The following PRKD3 variants were observed in gnomAD, a reference collection of about 807,000 sequenced individuals.
PRKD3 encodes the protein protein kinase D3, also known as serine/threonine-protein kinase D3.
In PRKD3, 47 loss-of-function variants were observed where a neutral mutation model predicts 99.2. The ratio of observed to expected loss-of-function variants is 0.47; its 90% CI spans 0.38 to 0.60. The LOEUF (loss-of-function observed/expected upper bound fraction) is 0.60, where lower values mean the gene tolerates loss of function less well. Ranked by LOEUF, PRKD3 falls within the 20% of genes least tolerant of loss-of-function variation. The pLI is 0.00. For synonymous variants in PRKD3, 392 were observed against 355.4 expected (o/e 1.10, Z -1.16); for missense variants, 1,019 against 1,088.4 (o/e 0.94, Z 0.90).
intron 14 of PRKD3, among the ~76,000 whole-genome samples, chr2:37,266,882 G>A (rs1572631131): frequency 6.6e-6 from 1 of 152,158 alleles, no homozygotes. Flanking sequence ...ATGATATTCA[G>A]AAAGTGATCC....
chr2:37,315,773 T>C (rs1048941389), intron 2 of PRKD3, among the ~76,000 whole-genome samples: 1 of 152,206 alleles, frequency 6.6e-6, no homozygotes, highest in Non-Finnish European at 1.5e-5. Flanking sequence ...CAGGCTGGAG[T>C]GCAGTGGCGC....
At position 37,253,428 on chromosome 2, in the gene PRKD3, T is replaced by G. The variant is rs538117963; in HGVS notation, c.2500-78A>C. On this transcript the variant is annotated intron_variant, in intron 18 of 18. Transcript: ENST00000234179. ...ACCTGGTTTTTGTTTTGTGTTTTTT[T>G]TTGTTGTTGTTTAGTGCCCTAGTCA... The G allele has an allele frequency of 1.2e-4, 151 of 1,312,138 alleles. 1 individual carries two copies. The highest frequency in any genetic ancestry group is 4.9e-4 in the East Asian group (20 of 40,812). 81.3% of individuals were successfully genotyped at this position (1,312,138 alleles called of 1,614,324 possible). A position where few individuals can be genotyped will look rare whatever the true frequency, so the allele number is the denominator to read the frequency against.
chr2:37,310,398 AG>A (rs1671375265), intron 2 of PRKD3, among the ~76,000 whole-genome samples: 1 of 152,238 alleles, frequency 6.6e-6, no homozygotes, highest in Non-Finnish European at 1.5e-5. Flanking sequence ...ATGAGAGATG[AG>A]TGCTACTTTT....
chr2:37,307,736 C>G (rs1274407015), intron 2 of PRKD3, among the ~76,000 whole-genome samples: 1 of 152,124 alleles, frequency 6.6e-6, no homozygotes, highest in Non-Finnish European at 1.5e-5. Flanking sequence ...ACAACAACAA[C>G]AGTAAAAGAA....
intron 13 of PRKD3, chr2:37,268,524 ATAATG>A (rs1240329579): frequency 5.7e-6 from 2 of 348,178 alleles, no homozygotes. Flanking sequence ...TGGGAAGACA[ATAATG>A]TAAACCCAAA....
intron 2 of PRKD3, among the ~76,000 whole-genome samples, chr2:37,310,977 ATAAC>A (rs1558578844): frequency 6.6e-6 from 1 of 152,212 alleles, no homozygotes; most frequent in Non-Finnish European, 1.5e-5. Flanking sequence ...AATTTCTTGA[ATAAC>A]TAATTCTAAC....
At chr2:37,307,357 CT>C (rs1308242428) in intron 2 of PRKD3, among the ~76,000 whole-genome samples, 1 of 152,150 alleles carries the variant, frequency 6.6e-6, no homozygotes. Flanking sequence ...AACCCCTGGC[CT>C]TTTGCACAAT....
In PRKD3 at chr2:37,289,366, G is replaced by C. The variant is rs1254920903; in HGVS notation, c.707C>G (p.Pro236Arg). 10 of 1,613,622 alleles carry C rather than the reference G, an allele frequency of 6.2e-6. No individual in the cohort carries two copies. Among genetic ancestry groups the C allele is most frequent in the Non-Finnish European group, 8.5e-6 (10 of 1,179,908 alleles). Residue 236 changes from proline (P) to arginine (R), a missense_variant, in exon 5 of 19, where the codon CCC becomes CGC. This residue lies in a region of PRKD3 where 710 missense variants were observed against 692.7 expected (regional missense o/e 1.02). Transcript: ENST00000234179. ...RPLQPEYVAL[P>R]SEESHVHQEP... ...CCTTAGAATACGTACCTCTTCACTG[G>C]GAAGGGCTACATATTCAGGCTGTAG...
rs1667409196 is a variant in PRKD3, at chr2:37,250,598, C to CTGTT, written c.*2575_*2578dup. ...ATAGCATTAGTTCCATTTACAAATACTGTTTCCAAAATAGTTCTTTTACCA... is the reference window on the plus strand; with the variant it reads ...ATAGCATTAGTTCCATTTACAAATACTGTTTGTTTCCAAAATAGTTCTTTTACCA... On this transcript the variant is annotated 3_prime_UTR_variant, in exon 19 of 19. Coordinates refer to ENST00000234179, the MANE Select transcript of PRKD3 (RefSeq NM_005813.6). 6.6e-6 allele frequency: 1 copy of CTGTT among 152,086 alleles called. No homozygotes were observed. Among genetic ancestry groups the CTGTT allele is most frequent in the Non-Finnish European group, 1.5e-5 (1 of 68,000 alleles). 9.4% of individuals were successfully genotyped at this position (152,086 alleles called of 1,614,324 possible).
At position 37,251,611 on chromosome 2, in the gene PRKD3, A is replaced by C. The variant is rs568048828; in HGVS notation, c.*1566T>G. The C allele has an allele frequency of 2.6e-5, 4 of 152,274 alleles. No homozygotes were observed. The East Asian group carries it at 7.7e-4, about 29-fold the overall frequency. The allele number at this position is 152,274 out of a possible 1,614,324, so 9.4% of individuals were successfully genotyped here. A position where few individuals can be genotyped will look rare whatever the true frequency, so the allele number is the denominator to read the frequency against. ...CTTCTCAGTCTGTTCATGTACCAGA[A>C]CATTCTTTTTTTTTTTTGCTACCTC... On this transcript the variant is annotated 3_prime_UTR_variant, in exon 19 of 19. Transcript: ENST00000234179.
At chr2:37,298,422 T>TTTA (rs1553376025) in intron 2 of PRKD3, among the ~76,000 whole-genome samples, 4 of 151,412 alleles carry the variant, frequency 2.6e-5, no homozygotes, top group African/African-American at 9.7e-5. Flanking sequence ...TTTTTTTTTT[T>TTTA]AAAAACAGAT....
intron 14 of PRKD3, among the ~76,000 whole-genome samples, chr2:37,264,919 G>A (rs11124572): frequency 6.6e-5 from 10 of 151,996 alleles, no homozygotes; most frequent in African/African-American, 2.2e-4. Context: ...TGGATACTCC[G>A]GGATAAACTG....
intron 2 of PRKD3, among the ~76,000 whole-genome samples, chr2:37,309,129 C>T (rs994466187): frequency 2.6e-5 from 4 of 151,956 alleles, no homozygotes; most frequent in Admixed American, 6.5e-5. Context: ...CATAAGAAGA[C>T]GCATTCATTT....
At chr2:37,267,786 GA>G (rs1668944894) in intron 13 of PRKD3, 2 of 406,142 alleles carry the variant, frequency 4.9e-6, no homozygotes, top group African/African-American at 2.1e-5. Flanking sequence ...ACTTGTTGCT[GA>G]AAAGTAATCT....
chr2:37,313,230 A>G (rs1671515511), intron 2 of PRKD3, among the ~76,000 whole-genome samples: 2 of 152,302 alleles, frequency 1.3e-5, no homozygotes, highest in South Asian at 4.1e-4. Flanking sequence ...GACAAGATAT[A>G]AAGGATTGAG....
chr2:37,286,418 G>C (rs1317779494), intron 5 of PRKD3, 49 bp from the exon 6 acceptor site: 1 of 1,499,552 alleles, frequency 6.7e-7, no homozygotes, highest in Non-Finnish European at 9.2e-7. Flanking sequence ...TAAAAACAGA[G>C]TAGTGGGAGC....
intron 10 of PRKD3, among the ~76,000 whole-genome samples, chr2:37,275,552 T>C (rs1178923504): frequency 6.6e-6 from 1 of 152,056 alleles, no homozygotes; most frequent in Admixed American, 6.6e-5. Flanking sequence ...AATAAATAAA[T>C]ACACGACAAC....
chr2:37,301,622 T>C (rs1243134268), intron 2 of PRKD3, among the ~76,000 whole-genome samples: 2 of 152,170 alleles, frequency 1.3e-5, no homozygotes, highest in Non-Finnish European at 2.9e-5. Flanking sequence ...GTGACTCTGC[T>C]ATGCTCACAG....
Position 37,252,847 on chromosome 2 carries a change from T to TTATATTTATATATA in PRKD3, c.*329_*330insTATATATAAATATA, listed in dbSNP as rs1553362997. The TTATATTTATATATA allele has an allele frequency of 4.1e-5, 6 of 145,036 alleles. No homozygotes were observed. Among genetic ancestry groups the TTATATTTATATATA allele is most frequent in the East Asian group, 2.0e-4 (1 of 4,908 alleles). The allele number at this position is 145,036 out of a possible 1,614,324, so 9.0% of individuals were successfully genotyped here. ...AAAACAAACAAACATATATTTATATTTATATATATATATATAAAGAGAAAT... is the reference window on the plus strand; with the variant it reads ...AAAACAAACAAACATATATTTATATTTATATTTATATATATATATATATATATATAAAGAGAAAT... On this transcript the variant is annotated 3_prime_UTR_variant, in exon 19 of 19. Coordinates refer to ENST00000234179, the MANE Select transcript of PRKD3 (RefSeq NM_005813.6).
Sources: allele counts gnomAD v4.1 joint callset (sites outside exome capture counted in the v4.1 genomes callset), GRCh38; gene constraint gnomAD v4.1.1; regional missense constraint gnomAD v4.1.1; transcripts MANE v1.5; gene names NCBI Gene and HGNC (gene_info 2026-07-23, HGNC 2026-07-21).